ERAP2: variants seen among roughly 807,000 people sequenced by gnomAD.
ERAP2 encodes leukocyte-derived arginine aminopeptidase.
A neutral mutation model predicts 111.1 loss-of-function variants in ERAP2; 118 were observed. The ratio of observed to expected loss-of-function variants is 1.06; its 90% CI spans 0.92 to 1.24. The LOEUF is 1.24. Ranked by LOEUF, ERAP2 falls within the 50% of genes most tolerant of loss-of-function variation. The probability of loss-of-function intolerance (pLI) is 0.00; values close to 1 mark genes in which losing one functional copy is unlikely to be tolerated. For missense variants in ERAP2, 1,131 were observed against 1,125.8 expected (o/e 1.00, Z -0.07); for synonymous variants, 410 against 401.2 (o/e 1.02, Z -0.26).
At chr5:96,887,120 CACACACAT>C (rs1333418255) in intron 4 of ERAP2, among the ~76,000 whole-genome samples, 8 of 148,644 alleles carry the variant, frequency 5.4e-5, no homozygotes, top group East Asian at 2.0e-4. Flanking sequence ...CACACACACA[CACACACAT>C]ACATATATAC....
intron 2 of ERAP2, chr5:96,881,259 T>A: frequency 2.7e-6 from 1 of 375,640 alleles, no homozygotes; most frequent in Non-Finnish European, 5.3e-6. Context: ...AGTAATCAAT[T>A]GGGAGGTCAT....
intron 6 of ERAP2, among the ~76,000 whole-genome samples, chr5:96,893,714 T>C (rs1438527359): frequency 6.6e-6 from 1 of 152,194 alleles, no homozygotes; most frequent in Admixed American, 6.5e-5. Flanking sequence ...CACTTTTTTG[T>C]CTTCCCATTG....
At chr5:96,898,572 CAAAAA>C (rs770783071) in intron 9 of ERAP2, among the ~76,000 whole-genome samples, 34 of 94,454 alleles carry the variant, frequency 3.6e-4, no homozygotes, top group African/African-American at 1.1e-3. Flanking sequence ...TACTAAAATA[CAAAAA>C]AAAAAAAAAA....
At chr5:96,900,754 G>A (rs1785360174) in intron 10 of ERAP2, among the ~76,000 whole-genome samples, 1 of 152,108 alleles carries the variant, frequency 6.6e-6, no homozygotes, top group African/African-American at 2.4e-5. Context: ...TCAGCTCACT[G>A]CAACCTCCAC....
chr5:96,914,470 T>A (rs1787163683), intron 17 of ERAP2, among the ~76,000 whole-genome samples: 1 of 152,234 alleles, frequency 6.6e-6, no homozygotes, highest in Non-Finnish European at 1.5e-5. Flanking sequence ...TGTATGTTTG[T>A]GTATGTTTCC....
chr5:96,917,572 G>A lies in ERAP2; in HGVS notation c.2850G>A (p.Pro950=), dbSNP rs571743225. The A allele has an allele frequency of 2.3e-5, 37 of 1,613,414 alleles. No homozygotes were observed. In the Admixed American group the frequency reaches 2.8e-4, roughly 12 times the overall value. The change falls in exon 19 of 19, where the codon CCG becomes CCA. Residue 950 remains proline (P), a synonymous_variant. Transcript: ENST00000437043. ...TAAAATGGCTGGAGAAGAATCTTCC[G>A]ACTCTGAGGACTTGGCTAATGGTTA... ...KNIKWLEKNL[P]TLRTWLMVNT is the part of the protein sequence containing the mutation.
intron 6 of ERAP2, 126 bp from the exon 7 acceptor site, chr5:96,895,120 A>G: frequency 3.4e-6 from 2 of 587,592 alleles, no homozygotes; most frequent in Non-Finnish European, 5.9e-6. Context: ...CAGAGAGAAA[A>G]GGGTAGCAAA....
chr5:96,896,585 G>A (rs1784879604), intron 8 of ERAP2, 81 bp downstream of exon 8: 1 of 1,499,446 alleles, frequency 6.7e-7, no homozygotes, highest in Non-Finnish European at 9.0e-7. Context: ...TAAGTCACTG[G>A]TGCCAGTTCC....
At chr5:96,916,456 C>CT (rs745860227) in intron 18 of ERAP2, among the ~76,000 whole-genome samples, 2,151 of 97,592 alleles carry the variant, frequency 0.022, 105 homozygotes, top group African/African-American at 0.053. Context: ...TTCTAGTTAT[C>CT]TTTTTTTTTT....
At chr5:96,889,831 TACAC>T (rs58154009) in intron 5 of ERAP2, among the ~76,000 whole-genome samples, 5,640 of 148,688 alleles carry the variant, frequency 0.038, 136 homozygotes, top group Middle Eastern at 0.09. Flanking sequence ...AAAAAATACA[TACAC>T]ACACACACAC....
chr5:96,890,964 G>A (rs925362099), intron 5 of ERAP2, among the ~76,000 whole-genome samples: 4 of 152,136 alleles, frequency 2.6e-5, no homozygotes, highest in African/African-American at 9.7e-5. Context: ...CGGAAAAGAA[G>A]CATGCAGCTT....
At chr5:96,901,791 A>G in intron 11 of ERAP2, 110 bp downstream of exon 11, 3 of 1,075,874 alleles carry the variant, frequency 2.8e-6, no homozygotes, top group Non-Finnish European at 3.9e-6. Context: ...AGTTCCATAT[A>G]AGAATCAAAG....
rs780293600 is a variant in ERAP2, at chr5:96,908,982, CA to C, written c.2037del (p.Ala680LeufsTer4). The C allele has an allele frequency of 6.2e-7, 1 of 1,614,118 alleles. No individual in the cohort carries two copies. Among genetic ancestry groups the C allele is most frequent in the Non-Finnish European group, 8.5e-7 (1 of 1,179,990 alleles). Reference sequence around the variant, plus strand: ...TCAGTGCAGGGAGACTGACCCTAGACAAAGCTCTTGACATGACTTACTACCT... The same window carrying C: ...TCAGTGCAGGGAGACTGACCCTAGACAAGCTCTTGACATGACTTACTACCT... ...LVGAGRLTLD[K>X]ALDMTYYLQH... On this transcript the variant is annotated frameshift_variant, in exon 14 of 19. Coordinates refer to ENST00000437043, the MANE Select transcript of ERAP2 (RefSeq NM_022350.5). LOFTEE classifies it high-confidence loss of function.
chr5:96,912,999 T>C (rs1786971532), intron 16 of ERAP2, among the ~76,000 whole-genome samples: 1 of 152,212 alleles, frequency 6.6e-6, no homozygotes, highest in African/African-American at 2.4e-5. Context: ...AATCATATGA[T>C]TGAGACTAGA....
intron 18 of ERAP2, 173 bp downstream of exon 18, chr5:96,915,942 G>T: frequency 2.0e-6 from 1 of 487,856 alleles, no homozygotes; most frequent in Non-Finnish European, 3.6e-6. Context: ...CTGACACTTG[G>T]CCAGGCACAG....
In ERAP2 at chr5:96,899,400, T is replaced by A. The variant is rs182554238; in HGVS notation, c.1504-721T>A. Among the ~76,000 whole-genome samples, 7 of 152,338 alleles carry A rather than the reference T, an allele frequency of 4.6e-5. No individual in the cohort carries two copies. The East Asian group carries it at 1.2e-3, about 25-fold the overall frequency. ...TTACTGAAAATATCTTGCCCACCAT[T>A]GTGTCACATAAAGTCAATTCTAATA... On this transcript the variant is annotated intron_variant, in intron 9 of 18. Transcript: ENST00000437043.
chr5:96,898,573 A>AAAC (rs386404517), intron 9 of ERAP2, among the ~76,000 whole-genome samples: 1 of 24,430 alleles, frequency 4.1e-5, no homozygotes, highest in African/African-American at 1.8e-4. Flanking sequence ...ACTAAAATAC[A>AAAC]AAAAAAAAAA....
intron 13 of ERAP2, 132 bp downstream of exon 13, chr5:96,903,692 C>T: frequency 5.1e-6 from 4 of 781,102 alleles, no homozygotes; most frequent in Non-Finnish European, 7.8e-6. Context: ...ACAGTGATCA[C>T]TAGGCCAAAG....
At chr5:96,901,702 G>A (rs1161204432) in intron 11 of ERAP2, 21 bp downstream of exon 11, 1 of 1,610,572 alleles carries the variant, frequency 6.2e-7, no homozygotes, top group Non-Finnish European at 8.5e-7. Flanking sequence ...TTCTTCTTTA[G>A]GTCTAGCTTA....
Sources: gnomAD v4.1 joint callset for allele counts (sites outside exome capture counted in the v4.1 genomes callset) on GRCh38, gnomAD v4.1.1 for gene constraint, MANE v1.5 for transcripts, NCBI Gene and HGNC (gene_info 2026-07-23, HGNC 2026-07-21) for gene names.